The following CX3CL1 variants were observed in gnomAD, a reference collection of about 807,000 sequenced individuals.
CX3CL1 encodes the protein fractalkine.
A neutral mutation model predicts 14.1 loss-of-function variants in CX3CL1; 1 was observed. The ratio of observed to expected loss-of-function variants is 0.07; its 90% CI spans 0.03 to 0.34. The LOEUF (loss-of-function observed/expected upper bound fraction) is 0.34, where lower values mean the gene tolerates loss of function less well. CX3CL1 is among the 10% of genes least tolerant of loss of function. The probability of loss-of-function intolerance (pLI) is 0.99; values close to 1 mark genes in which losing one functional copy is unlikely to be tolerated. For synonymous variants in CX3CL1, 255 were observed against 229.6 expected, an observed-to-expected ratio of 1.11 and a Z score of -1.00; for missense variants, 505 against 536.4, an observed-to-expected ratio of 0.94 and a Z score of 0.58.
Position 57,382,159 on chromosome 16 carries a change from C to G in CX3CL1, c.321C>G (p.Ile107Met), listed in dbSNP as rs750328440. The change falls in exon 3 of 3, where the codon ATC becomes ATG. Residue 107 changes from isoleucine (I) to methionine (M), a missense_variant. Ile to Met is a conservative substitution (Grantham distance 10, BLOSUM62 1). Transcript: ENST00000006053. The surrounding 1 kb of genome is among the most constrained non-coding windows in gnomAD (Gnocchi z 6.9). Reference protein sequence around the residue: ...TRNGGTFEKQIGEVKPRTTPA... With the variant: ...TRNGGTFEKQMGEVKPRTTPA... ...ATGGCGGCACCTTCGAGAAGCAGAT[C>G]GGCGAGGTGAAGCCCAGGACCACCC... 3 of 1,613,856 alleles carry G rather than the reference C, an allele frequency of 1.9e-6. No individual in the cohort carries two copies. Among genetic ancestry groups the G allele is most frequent in the Admixed American group, 3.3e-5 (2 of 60,028 alleles).
At position 57,383,385 on chromosome 16, in the gene CX3CL1, T is replaced by A. The variant is rs113126309; in HGVS notation, c.*353T>A. On this transcript the variant is annotated 3_prime_UTR_variant, in exon 3 of 3. Coordinates refer to ENST00000006053, the MANE Select transcript of CX3CL1 (RefSeq NM_002996.6). Reference sequence around the variant, plus strand: ...CCATGCTGCCCTGTGAGTACTACAGTCCTCCCATCTCACACATGAGCATCA... The same window carrying A: ...CCATGCTGCCCTGTGAGTACTACAGACCTCCCATCTCACACATGAGCATCA... 3.2e-3 allele frequency: 582 copies of A among 184,526 alleles called. 6 individuals carry two copies. Among genetic ancestry groups the A allele is most frequent in the African/African-American group, 0.013 (566 of 42,850 alleles). 11.4% of individuals were successfully genotyped at this position (184,526 alleles called of 1,614,324 possible). A position where few individuals can be genotyped will look rare whatever the true frequency, so the allele number is the denominator to read the frequency against.
In CX3CL1 at chr16:57,372,592, G is replaced by C; in HGVS notation, c.24G>C (p.Trp8Cys). The change falls in exon 1 of 3, where the codon TGG (tryptophan) becomes TGC (cysteine). Residue 8 changes from tryptophan (W) to cysteine (C), a missense_variant. By Grantham distance (215) the Trp-to-Cys change is radical. Coordinates refer to ENST00000006053, the MANE Select transcript of CX3CL1 (RefSeq NM_002996.6). ...CCATGGCTCCGATATCTCTGTCGTG[G>C]CTGCTCCGCTTGGCCACCTTCTGCC... is the stretch of plus-strand genomic sequence containing the variant. MAPISLS[W>C]LLRLATFCHL... 6.2e-7 allele frequency: 1 copy of C among 1,613,248 alleles called. No homozygotes were observed. The highest frequency in any genetic ancestry group is 8.5e-7 in the Non-Finnish European group (1 of 1,179,984).
rs150925859 is a variant in CX3CL1, at chr16:57,380,474, C to T, written c.191+720C>T. The stretch of plus-strand genomic sequence containing the variant: ...TCGGGAGGTTGAGGCAGGAGAATCG[C>T]TTGAACCCAGGATGCGGAGGTTGCA... On this transcript the variant is annotated intron_variant, in intron 2 of 2. Transcript: ENST00000006053. Among the ~76,000 whole-genome samples the T allele has an allele frequency of 3.7e-4, 56 of 152,232 alleles. 2 individuals carry two copies. The East Asian group carries it at 0.011, about 29-fold the overall frequency.
chr16:57,380,033 C>T (rs544626966), intron 2 of CX3CL1, among the ~76,000 whole-genome samples: 1 of 152,292 alleles, frequency 6.6e-6, no homozygotes, highest in Admixed American at 6.5e-5. Context: ...GTGGTAATTC[C>T]TCCTGGGCTG....
Position 57,382,468 on chromosome 16 carries a change from G to T in CX3CL1, c.630G>T (p.Trp210Cys). The change falls in exon 3 of 3, where the codon TGG (tryptophan) becomes TGT (cysteine). Residue 210 changes from tryptophan to cysteine, a missense_variant. Coordinates refer to ENST00000006053, the MANE Select transcript of CX3CL1 (RefSeq NM_002996.6). This position sits in a 1 kb window ranked among gnomAD's most constrained non-coding sequence, Gnocchi z 6.9. ...SAPHQPGPSLWAEAKTSEAPS... is the reference protein window; with the variant it reads ...SAPHQPGPSLCAEAKTSEAPS... ...CCCACCAACCTGGGCCCAGCCTCTGGGCTGAGGCAAAGACCTCTGAGGCCC... is the reference window on the plus strand; with the variant it reads ...CCCACCAACCTGGGCCCAGCCTCTGTGCTGAGGCAAAGACCTCTGAGGCCC... 1 of 1,612,790 alleles carries T rather than the reference G, an allele frequency of 6.2e-7. No homozygotes were observed.
chr16:57,374,497 T>C (rs375291744), intron 1 of CX3CL1, among the ~76,000 whole-genome samples: 17 of 152,192 alleles, frequency 1.1e-4, no homozygotes, highest in East Asian at 5.8e-4. Flanking sequence ...CCTACCCGCC[T>C]CATTAGCAGT....
intron 1 of CX3CL1, among the ~76,000 whole-genome samples, chr16:57,374,493 C>G (rs1266944093): frequency 1.3e-5 from 2 of 152,136 alleles, no homozygotes; most frequent in African/African-American, 4.8e-5. Context: ...ATAGCCTACC[C>G]GCCTCATTAG....
rs1490846272 is a variant in CX3CL1, at chr16:57,383,113, G to A, written c.*81G>A. ...TCCTCATACCCACCCCCACCCAAGGGCCTGGCCTGAGCTGGGATGATTGGA... is the reference window on the plus strand; with the variant it reads ...TCCTCATACCCACCCCCACCCAAGGACCTGGCCTGAGCTGGGATGATTGGA... On this transcript the variant is annotated 3_prime_UTR_variant, in exon 3 of 3. Coordinates refer to ENST00000006053, the MANE Select transcript of CX3CL1 (RefSeq NM_002996.6). The A allele has an allele frequency of 7.8e-7, 1 of 1,276,684 alleles. No homozygotes were observed. Among genetic ancestry groups the A allele is most frequent in the Non-Finnish European group, 1.0e-6 (1 of 982,828 alleles). The allele number at this position is 1,276,684 out of a possible 1,614,324, so 79.1% of individuals were successfully genotyped here. A position where few individuals can be genotyped will look rare whatever the true frequency, so the allele number is the denominator to read the frequency against.
At position 57,382,311 on chromosome 16, in the gene CX3CL1, C is replaced by G. The variant is rs771623366; in HGVS notation, c.473C>G (p.Pro158Arg). The G allele has an allele frequency of 3.7e-6, 6 of 1,605,402 alleles. No individual in the cohort carries two copies. Among genetic ancestry groups the G allele is most frequent in the Non-Finnish European group, 5.1e-6 (6 of 1,175,978 alleles). ...GCCCTGGGGACCTCCCCAGAGCTGC[C>G]GACGGGCGTGACTGGTTCCTCAGGG... ...QRALGTSPELPTGVTGSSGTR... is the reference protein window; with the variant it reads ...QRALGTSPELRTGVTGSSGTR... Residue 158 changes from proline to arginine, a missense_variant, in exon 3 of 3, where the codon CCG becomes CGG. Pro to Arg is a moderately radical substitution (Grantham distance 103, BLOSUM62 -2). Transcript: ENST00000006053. The surrounding 1 kb of genome is among the most constrained non-coding windows in gnomAD (Gnocchi z 6.9).
chr16:57,374,897 T>C (rs1177074540), intron 1 of CX3CL1, among the ~76,000 whole-genome samples: 1 of 152,044 alleles, frequency 6.6e-6, no homozygotes. Context: ...TCCCAGCACA[T>C]TGGGAGGCCA....
Position 57,382,805 on chromosome 16 carries a change from A to G in CX3CL1, c.967A>G (p.Arg323Gly). The G allele has an allele frequency of 1.3e-6, 2 of 1,599,484 alleles. No individual in the cohort carries two copies. Among genetic ancestry groups the G allele is most frequent in the Non-Finnish European group, 1.7e-6 (2 of 1,171,504 alleles). ...CATCCATGCCACCATGGACCCCCAG[A>G]GGCTGGGCGTCCTTATCACTCCTGT... ...EPIHATMDPQ[R>G]LGVLITPVPD... Residue 323 changes from arginine (R) to glycine (G), a missense_variant, in exon 3 of 3, where the codon AGG (arginine) becomes GGG (glycine). Arg to Gly is a moderately radical substitution (Grantham distance 125). Transcript: ENST00000006053. The surrounding 1 kb of genome is among the most constrained non-coding windows in gnomAD (Gnocchi z 6.9).
chr16:57,372,546 G>A lies in CX3CL1; in HGVS notation c.-23G>A, dbSNP rs369287265. 16 of 1,609,192 alleles carry A rather than the reference G, an allele frequency of 9.9e-6. No individual in the cohort carries two copies. Among genetic ancestry groups the A allele is most frequent in the Admixed American group, 1.7e-5 (1 of 59,966 alleles). On this transcript the variant is annotated 5_prime_UTR_variant, in exon 1 of 3. Coordinates refer to ENST00000006053, the MANE Select transcript of CX3CL1 (RefSeq NM_002996.6). ...TCTAGCCGCCTGCCTGGCCCCCGCC[G>A]GGACTCTTGCCCACCCTCAGCCATG...
chr16:57,382,836 A>C lies in CX3CL1; in HGVS notation c.998A>C (p.Asp333Ala). ...RLGVLITPVP[D>A]AQAATRRQAV... The stretch of plus-strand genomic sequence containing the variant: ...GGCGTCCTTATCACTCCTGTCCCTG[A>C]CGCCCAGGCTGCCACCCGGAGGCAG... Residue 333 changes from aspartate (D) to alanine (A), a missense_variant, in exon 3 of 3, where the codon GAC (aspartate) becomes GCC (alanine). Coordinates refer to ENST00000006053, the MANE Select transcript of CX3CL1 (RefSeq NM_002996.6). The surrounding 1 kb of genome is among the most constrained non-coding windows in gnomAD (Gnocchi z 6.9). The C allele has an allele frequency of 1.9e-6, 3 of 1,561,732 alleles. No individual in the cohort carries two copies. Among genetic ancestry groups the C allele is most frequent in the Non-Finnish European group, 2.6e-6 (3 of 1,149,694 alleles).
At chr16:57,374,546 A>G (rs999674560) in intron 1 of CX3CL1, among the ~76,000 whole-genome samples, 1 of 152,122 alleles carries the variant, frequency 6.6e-6, no homozygotes, top group African/African-American at 2.4e-5. Flanking sequence ...TAAATTCAAG[A>G]GTGTCAGATC....
rs574449791 is a variant in CX3CL1 at position 57,372,512 on chromosome 16, C to T, written c.-57C>T. ...GGCAAGGGGACAGCACTGAGCTCTG[C>T]CGCCTGGCTCTAGCCGCCTGCCTGG... On this transcript the variant is annotated 5_prime_UTR_variant, in exon 1 of 3. Transcript: ENST00000006053. 3 of 1,540,428 alleles carry T rather than the reference C, an allele frequency of 1.9e-6. No individual in the cohort carries two copies. In the African/African-American group the frequency reaches 4.1e-5, roughly 21 times the overall value.
rs1902364048 is a variant in CX3CL1, at chr16:57,383,394, C to T, written c.*362C>T. On this transcript the variant is annotated 3_prime_UTR_variant, in exon 3 of 3. Coordinates refer to ENST00000006053, the MANE Select transcript of CX3CL1 (RefSeq NM_002996.6). Reference sequence around the variant, plus strand: ...CCTGTGAGTACTACAGTCCTCCCATCTCACACATGAGCATCAGGCCAGGCC... The same window carrying T: ...CCTGTGAGTACTACAGTCCTCCCATTTCACACATGAGCATCAGGCCAGGCC... The T allele has an allele frequency of 1.1e-5, 2 of 180,806 alleles. No homozygotes were observed. Among genetic ancestry groups the T allele is most frequent in the Admixed American group, 1.2e-4 (2 of 16,018 alleles). 11.2% of individuals were successfully genotyped at this position (180,806 alleles called of 1,614,324 possible).
chr16:57,382,820 A>C lies in CX3CL1; in HGVS notation c.982A>C (p.Ile328Leu). ...GGACCCCCAGAGGCTGGGCGTCCTT[A>C]TCACTCCTGTCCCTGACGCCCAGGC... The part of the protein sequence containing the change: ...TMDPQRLGVL[I>L]TPVPDAQAAT... Residue 328 changes from isoleucine to leucine, a missense_variant, in exon 3 of 3, where the codon ATC becomes CTC. Physicochemically the swap from Ile to Leu is conservative, Grantham distance 5. Transcript: ENST00000006053. This position sits in a 1 kb window ranked among gnomAD's most constrained non-coding sequence, Gnocchi z 6.9. 6.3e-7 allele frequency: 1 copy of C among 1,591,050 alleles called. No individual in the cohort carries two copies.
intron 2 of CX3CL1, among the ~76,000 whole-genome samples, chr16:57,380,566 G>A (rs1414718273): frequency 2.0e-5 from 3 of 152,076 alleles, no homozygotes; most frequent in African/African-American, 7.2e-5. Context: ...TCAAAAAAAA[G>A]AAAAAGACAA....
rs779020106 is a variant in CX3CL1, at chr16:57,382,722, G to C, written c.884G>C (p.Gly295Ala). Reference protein sequence around the residue: ...HVSVVPVSSEGTPSREPVASG... With the variant: ...HVSVVPVSSEATPSREPVASG... ...TCTGTGGTCCCTGTCTCCTCAGAAG[G>C]GACCCCCAGCAGGGAGCCAGTGGCT... The change falls in exon 3 of 3, where the codon GGG (glycine) becomes GCG (alanine). Residue 295 changes from glycine (G) to alanine (A), a missense_variant. Physicochemically the swap from Gly to Ala is moderately conservative, Grantham distance 60. Coordinates refer to ENST00000006053, the MANE Select transcript of CX3CL1 (RefSeq NM_002996.6). The surrounding 1 kb of genome is among the most constrained non-coding windows in gnomAD (Gnocchi z 6.9). The C allele has an allele frequency of 2.5e-6, 4 of 1,612,976 alleles. No individual in the cohort carries two copies. The South Asian group carries it at 3.3e-5, about 13-fold the overall frequency.
Sources: allele counts gnomAD v4.1 joint callset (sites outside exome capture counted in the v4.1 genomes callset), GRCh38; gene constraint gnomAD v4.1.1; non-coding constraint Gnocchi (gnomAD v3.1); transcripts MANE v1.5; gene names NCBI Gene and HGNC (gene_info 2026-07-23, HGNC 2026-07-21).